Variants in TRAPPC14 observed in about 807,000 individuals in gnomAD.
TRAPPC14 encodes microtubule associated protein 11.
TRAPPC14 carries 24 observed loss-of-function variants against 56.6 expected under a neutral mutation model. The observed-to-expected ratio is 0.42, with a 90% CI of 0.31 to 0.60. The LOEUF (loss-of-function observed/expected upper bound fraction) is 0.60. Among genes scored for constraint, TRAPPC14 ranks in the 20% least tolerant of loss-of-function variants. TRAPPC14 has a pLI of 0.14. For missense variants in TRAPPC14, 615 were observed against 790.3 expected, an observed-to-expected ratio of 0.78 and a Z score of 2.66; for synonymous variants, 377 against 347.0, an observed-to-expected ratio of 1.09 and a Z score of -0.96.
At position 100,155,921 on chromosome 7, in the gene TRAPPC14, TGTG is replaced by T. The variant is rs766407003; in HGVS notation, c.1241-99_1241-97del. 6.7e-6 allele frequency: 10 copies of T among 1,493,588 alleles called. No individual in the cohort carries two copies. The South Asian group carries it at 1.1e-4, about 17-fold the overall frequency. 92.5% of individuals were successfully genotyped at this position (1,493,588 alleles called of 1,614,324 possible). On this transcript the variant is annotated intron_variant, in intron 8 of 10. Coordinates refer to ENST00000316937, the MANE Select transcript of TRAPPC14 (RefSeq NM_018275.5). ...TCTCATCTGATTCTCAAAGCCACTC[TGTG>T]GAGTAAACTGAGCAAACGTTATCTT...
Position 100,158,383 on chromosome 7 carries a change from G to A in TRAPPC14, c.117C>T (p.Tyr39=). ...YRALPRRNHL[Y]LGETVRFLLV... is the part of the protein sequence containing the mutation. ...GCAGAAAACGGACAGTCTCCCCCAA[G>A]TACAGATGGTTGCGCCGGGGCAGCG... is the stretch of plus-strand genomic sequence containing the variant. Residue 39 remains tyrosine (Y), a synonymous_variant, in exon 1 of 11, where the codon TAC becomes TAT. Coordinates refer to ENST00000316937, the MANE Select transcript of TRAPPC14 (RefSeq NM_018275.5). The A allele has an allele frequency of 6.8e-7, 1 of 1,478,154 alleles. No individual in the cohort carries two copies. The highest frequency in any genetic ancestry group is 9.0e-7 in the Non-Finnish European group (1 of 1,115,968). 91.6% of individuals were successfully genotyped at this position (1,478,154 alleles called of 1,614,324 possible). A position where few individuals can be genotyped will look rare whatever the true frequency, so the allele number is the denominator to read the frequency against.
chr7:100,158,661 A>C lies in TRAPPC14; in HGVS notation c.-162T>G. 7 of 602,210 alleles carry C rather than the reference A, an allele frequency of 1.2e-5. No individual in the cohort carries two copies. Among genetic ancestry groups the C allele is most frequent in the African/African-American group, 1.9e-5 (1 of 52,200 alleles). The allele number at this position is 602,210 out of a possible 1,614,324, so 37.3% of individuals were successfully genotyped here. A position where few individuals can be genotyped will look rare whatever the true frequency, so the allele number is the denominator to read the frequency against. ...CCCGGCACCGGGGCAACGAACCCGAACCGAGACCCGGCAGCGCCGGAACCG... is the reference window on the plus strand; with the variant it reads ...CCCGGCACCGGGGCAACGAACCCGACCCGAGACCCGGCAGCGCCGGAACCG... On this transcript the variant is annotated 5_prime_UTR_variant, in exon 1 of 11. Transcript: ENST00000316937.
chr7:100,157,144 A>G lies in TRAPPC14; in HGVS notation c.795T>C (p.Ser265=). 1.2e-6 allele frequency: 2 copies of G among 1,614,194 alleles called. No homozygotes were observed. Among genetic ancestry groups the G allele is most frequent in the Non-Finnish European group, 1.7e-6 (2 of 1,180,044 alleles). Residue 265 remains serine (S), a synonymous_variant, in exon 5 of 11, where the codon AGT becomes AGC. Transcript: ENST00000316937. ...DIRILPNFNA[S]YLPVMPDGSV... ...AGCCATCGGGCATGACAGGTAGATA[A>G]CTGGCGTTGAAGTTGGGGAGGATTC...
chr7:100,157,272 C>T (rs1415591089), intron 4 of TRAPPC14, 58 bp from the exon 5 acceptor site: 1 of 1,613,590 alleles, frequency 6.2e-7, no homozygotes, highest in South Asian at 1.1e-5. Flanking sequence ...CCCACCTTTA[C>T]CCAGAAAAAA....
At chr7:100,157,809 A>C (rs373572285) in intron 2 of TRAPPC14, 34 bp downstream of exon 2, 55 of 1,613,742 alleles carry the variant, frequency 3.4e-5, no homozygotes, top group Non-Finnish European at 4.7e-5. Context: ...AGGTGTCTGA[A>C]TTAGGACAAT....
chr7:100,156,286 C>T, intron 8 of TRAPPC14, 100 bp downstream of exon 8: 2 of 1,278,618 alleles, frequency 1.6e-6, no homozygotes, highest in African/African-American at 2.9e-5. Context: ...TGTGATGGGG[C>T]TGGCACCAAA....
At chr7:100,157,993 C>G (rs887466255) in intron 1 of TRAPPC14, 55 bp from the exon 2 acceptor site, 2 of 1,474,982 alleles carry the variant, frequency 1.4e-6, no homozygotes, top group African/African-American at 2.8e-5. Context: ...CAGCCTGCAG[C>G]CTTTCCCTTT....
rs1798839650 is a variant in TRAPPC14 at position 100,154,862 on chromosome 7, C to T, written c.*149G>A. The T allele has an allele frequency of 1.4e-6, 1 of 735,356 alleles. No homozygotes were observed. Among genetic ancestry groups the T allele is most frequent in the East Asian group, 2.6e-5 (1 of 38,408 alleles). The allele number at this position is 735,356 out of a possible 1,614,324, so 45.6% of individuals were successfully genotyped here. ...CACTTCACAGCTTCTTCCCCCATCC[C>T]TCATCAGCAGACACAAGACAGGCAG... On this transcript the variant is annotated 3_prime_UTR_variant, in exon 11 of 11. Coordinates refer to ENST00000316937, the MANE Select transcript of TRAPPC14 (RefSeq NM_018275.5).
Position 100,158,657 on chromosome 7 carries a change from C to A in TRAPPC14, c.-158G>T. ...CGGTCCCGGCACCGGGGCAACGAACCCGAACCGAGACCCGGCAGCGCCGGA... is the reference window on the plus strand; with the variant it reads ...CGGTCCCGGCACCGGGGCAACGAACACGAACCGAGACCCGGCAGCGCCGGA... On this transcript the variant is annotated 5_prime_UTR_variant, in exon 1 of 11. Transcript: ENST00000316937. 1 of 649,866 alleles carries A rather than the reference C, an allele frequency of 1.5e-6. No individual in the cohort carries two copies. 40.3% of individuals were successfully genotyped at this position (649,866 alleles called of 1,614,324 possible).
At chr7:100,156,743 A>C (rs1171417367) in intron 6 of TRAPPC14, 27 bp from the exon 7 acceptor site, 4 of 1,604,178 alleles carry the variant, frequency 2.5e-6, no homozygotes, top group Non-Finnish European at 3.4e-6. Context: ...GGGGGTTGGC[A>C]CAGGTATTAA....
At chr7:100,156,581 G>A in intron 7 of TRAPPC14, 32 bp from the exon 8 acceptor site, 1 of 1,612,982 alleles carries the variant, frequency 6.2e-7, no homozygotes, top group South Asian at 1.1e-5. Flanking sequence ...TGCTGGCTGT[G>A]TGTGTCAGGC....
chr7:100,155,694 C>A lies in TRAPPC14; in HGVS notation c.1372G>T (p.Ala458Ser). 1 of 1,610,726 alleles carries A rather than the reference C, an allele frequency of 6.2e-7. No individual in the cohort carries two copies. The highest frequency in any genetic ancestry group is 1.1e-5 in the South Asian group (1 of 90,528). Residue 458 changes from alanine (A) to serine (S), a missense_variant, in exon 9 of 11, where the codon GCT (alanine) becomes TCT (serine). Transcript: ENST00000316937. ...ACCTCGAAGAGCCCCGTCCTCAGAG[C>A]CTGGAAGGCCACACTGAAGGTGAGC... ...SALTFSVAFQ[A>S]LRTGLFELSQ...
Position 100,154,682 on chromosome 7 carries a change from A to C in TRAPPC14, c.*329T>G. ...AATGTCAGAGGTGGGAAAGAACTCAACGGGAATGAGGAAGAGACTTTGTAA... is the reference window on the plus strand; with the variant it reads ...AATGTCAGAGGTGGGAAAGAACTCACCGGGAATGAGGAAGAGACTTTGTAA... On this transcript the variant is annotated 3_prime_UTR_variant, in exon 11 of 11. Transcript: ENST00000316937. 2.7e-6 allele frequency: 1 copy of C among 365,710 alleles called. No individual in the cohort carries two copies. Among genetic ancestry groups the C allele is most frequent in the Non-Finnish European group, 5.1e-6 (1 of 196,896 alleles). 22.7% of individuals were successfully genotyped at this position (365,710 alleles called of 1,614,324 possible).
Position 100,155,091 on chromosome 7 carries a change from G to T in TRAPPC14, c.1663C>A (p.Pro555Thr). 1 of 1,613,690 alleles carries T rather than the reference G, an allele frequency of 6.2e-7. No homozygotes were observed. Among genetic ancestry groups the T allele is most frequent in the South Asian group, 1.1e-5 (1 of 91,076 alleles). ...AGAGACAACACAGCCTTGTCCGGGG[G>T]CAGGTAGAGGGGGCGGCCAACAGGA... The part of the protein sequence containing the change: ...ASPVGRPLYL[P>T]PDKAVLSLDK... The change falls in exon 11 of 11, where the codon CCC (proline) becomes ACC (threonine). Residue 555 changes from proline to threonine, a missense_variant. Transcript: ENST00000316937.
At position 100,155,796 on chromosome 7, in the gene TRAPPC14, C is replaced by T. The variant is rs377202624; in HGVS notation, c.1270G>A (p.Ala424Thr). 3.7e-6 allele frequency: 6 copies of T among 1,614,114 alleles called. No homozygotes were observed. In the African/African-American group the frequency reaches 6.7e-5, roughly 18 times the overall value. Reference protein sequence around the residue: ...GKQLCEEERRAMQAALDSVVC... With the variant: ...GKQLCEEERRTMQAALDSVVC... Reference sequence around the variant, plus strand: ...ACGGAGTCCAGGGCAGCCTGCATGGCCCGGCGCTCCTCCTCACACAGCTGC... The same window carrying T: ...ACGGAGTCCAGGGCAGCCTGCATGGTCCGGCGCTCCTCCTCACACAGCTGC... The change falls in exon 9 of 11, where the codon GCC becomes ACC. Residue 424 changes from alanine (A) to threonine (T), a missense_variant. By Grantham distance (58) the Ala-to-Thr change is moderately conservative. Transcript: ENST00000316937.
intron 3 of TRAPPC14, 22 bp downstream of exon 3, chr7:100,157,611 G>T (rs1034706675): frequency 6.2e-7 from 1 of 1,613,462 alleles, no homozygotes; most frequent in Non-Finnish European, 8.5e-7. Context: ...CTAGCCCTTT[G>T]CCTCTGCGCT....
chr7:100,155,731 C>G lies in TRAPPC14; in HGVS notation c.1335G>C (p.Arg445=), dbSNP rs1304255276. 1 of 1,614,052 alleles carries G rather than the reference C, an allele frequency of 6.2e-7. No homozygotes were observed. The highest frequency in any genetic ancestry group is 8.5e-7 in the Non-Finnish European group (1 of 1,180,020). ...HTPLNNLGFS[R]KGSALTFSVA... ...CACTGAAGGTGAGCGCGCTGCCCTT[C>G]CGGGAAAAGCCAAGGTTGTTGAGGG... is the stretch of plus-strand genomic sequence containing the variant. Residue 445 remains arginine (R), a synonymous_variant, in exon 9 of 11, where the codon CGG becomes CGC. Coordinates refer to ENST00000316937, the MANE Select transcript of TRAPPC14 (RefSeq NM_018275.5).
At chr7:100,156,246 G>A (rs1248843606) in intron 8 of TRAPPC14, 140 bp downstream of exon 8, 5 of 785,730 alleles carry the variant, frequency 6.4e-6, no homozygotes, top group South Asian at 5.1e-5. Context: ...CCAGGTACAG[G>A]GCGGAAGCCA....
At chr7:100,156,180 G>A in intron 8 of TRAPPC14, 1 of 614,612 alleles carries the variant, frequency 1.6e-6, no homozygotes. Flanking sequence ...TGCCCTGAAA[G>A]TCACTCTGCC....
Sources: gnomAD v4.1 joint callset for allele counts on GRCh38, gnomAD v4.1.1 for gene constraint, MANE v1.5 for transcripts, NCBI Gene and HGNC (gene_info 2026-07-23, HGNC 2026-07-21) for gene names.